The following DMRT1 variants were observed in gnomAD, a reference collection of about 807,000 sequenced individuals.
DMRT1 encodes doublesex and mab-3 related transcription factor 1.
Under a neutral mutation model 32.3 loss-of-function variants are expected in DMRT1, and 7 were observed. The ratio of observed to expected loss-of-function variants is 0.22; its 90% CI spans 0.12 to 0.41. DMRT1 has a LOEUF of 0.41. Among genes scored for constraint, DMRT1 ranks in the 10% least tolerant of loss-of-function variants. The pLI is 1.00. For synonymous variants in DMRT1, 278 were observed against 206.1 expected, an observed-to-expected ratio of 1.35 and a Z score of -2.99; for missense variants, 625 against 500.5, an observed-to-expected ratio of 1.25 and a Z score of -2.37.
rs544263968 is a variant in DMRT1 at position 889,002 on chromosome 9, A to T, written c.539-4910A>T. Among the ~76,000 whole-genome samples, 17 of 152,042 alleles carry T rather than the reference A, an allele frequency of 1.1e-4. No individual in the cohort carries two copies. In the South Asian group the frequency reaches 1.5e-3, roughly 13 times the overall value. On this transcript the variant is annotated intron_variant, in intron 2 of 4. Transcript: ENST00000382276. The stretch of plus-strand genomic sequence containing the variant: ...AAAGAATTTCTGGAGAGCTTAGTAA[A>T]ATTCAGATTGCTGGGCGCCATTCTC...
intron 2 of DMRT1, among the ~76,000 whole-genome samples, chr9:848,277 C>A (rs1935208788): frequency 6.6e-6 from 1 of 151,908 alleles, no homozygotes; most frequent in South Asian, 2.1e-4. Context: ...GCCTTTTTTT[C>A]CTCTTGTCAA....
intron 2 of DMRT1, among the ~76,000 whole-genome samples, chr9:854,956 A>G (rs1815331321): frequency 6.7e-6 from 1 of 150,110 alleles, no homozygotes; most frequent in Non-Finnish European, 1.5e-5. Flanking sequence ...TTTAGTAGAG[A>G]CGGGGTTTCA....
At position 968,582 on chromosome 9, in the gene DMRT1, G is replaced by A. The variant is rs3739582; in HGVS notation, c.*443G>A. 5 of 165,472 alleles carry A rather than the reference G, an allele frequency of 3.0e-5. No individual in the cohort carries two copies. In the East Asian group the frequency reaches 8.7e-4, roughly 29 times the overall value. 10.3% of individuals were successfully genotyped at this position (165,472 alleles called of 1,614,324 possible). A position where few individuals can be genotyped will look rare whatever the true frequency, so the allele number is the denominator to read the frequency against. On this transcript the variant is annotated 3_prime_UTR_variant, in exon 5 of 5. Transcript: ENST00000382276. ...ATAAATTTAGCCAAGTTACCTGACG[G>A]GTGAGAAGAAAAGAGCAGGCAAAAT...
chr9:935,313 AG>A (rs1410222662), intron 4 of DMRT1, among the ~76,000 whole-genome samples: 2 of 152,198 alleles, frequency 1.3e-5, no homozygotes, highest in African/African-American at 4.8e-5. Flanking sequence ...TTGGCAAACG[AG>A]GGGGGCAGAT....
At chr9:876,579 G>C (rs886437870) in intron 2 of DMRT1, among the ~76,000 whole-genome samples, 2 of 150,670 alleles carry the variant, frequency 1.3e-5, no homozygotes, top group Non-Finnish European at 2.9e-5. Flanking sequence ...CATCCAGTCT[G>C]GAGTGCAGTG....
At chr9:922,187 A>T (rs1018779269) in intron 4 of DMRT1, among the ~76,000 whole-genome samples, 1 of 152,102 alleles carries the variant, frequency 6.6e-6, no homozygotes, top group Non-Finnish European at 1.5e-5. Flanking sequence ...CCAAGAAAAA[A>T]GTCTGGGGGG....
intron 4 of DMRT1, among the ~76,000 whole-genome samples, chr9:958,523 C>T (rs748804448): frequency 4.1e-4 from 63 of 152,226 alleles, no homozygotes; most frequent in Non-Finnish European, 6.9e-4. Context: ...CACACCACCA[C>T]ACCCAGCTGA....
chr9:865,252 C>T (rs1206968473), intron 2 of DMRT1, among the ~76,000 whole-genome samples: 2 of 152,164 alleles, frequency 1.3e-5, no homozygotes, highest in Non-Finnish European at 2.9e-5. Flanking sequence ...AAAGGACTCT[C>T]AGTGAAAGAA....
At chr9:967,173 G>C (rs1437067846) in intron 4 of DMRT1, among the ~76,000 whole-genome samples, 3 of 152,126 alleles carry the variant, frequency 2.0e-5, no homozygotes, top group Non-Finnish European at 4.4e-5. Context: ...GGGAGTTCTG[G>C]GGGTGGATCT....
intron 2 of DMRT1, among the ~76,000 whole-genome samples, chr9:872,793 G>A (rs1034873329): frequency 6.6e-6 from 1 of 152,152 alleles, no homozygotes; most frequent in Non-Finnish European, 1.5e-5. Context: ...TTACTTCAAA[G>A]CGGACTTGGT....
intron 2 of DMRT1, among the ~76,000 whole-genome samples, chr9:874,965 G>A (rs760551981): frequency 1.3e-5 from 2 of 151,550 alleles, no homozygotes; most frequent in Admixed American, 6.6e-5. Flanking sequence ...CCGCCACCAC[G>A]CCCGGCAAAT....
chr9:860,065 G>A (rs1203321875), intron 2 of DMRT1, among the ~76,000 whole-genome samples: 4 of 152,180 alleles, frequency 2.6e-5, no homozygotes, highest in Non-Finnish European at 5.9e-5. Flanking sequence ...GGGAGGCCGA[G>A]GTGGGTGGAT....
rs1424820888 is a variant in DMRT1 at position 861,991 on chromosome 9, G to C, written c.538+14848G>C. Among the ~76,000 whole-genome samples the C allele has an allele frequency of 1.4e-3, 213 of 151,486 alleles. 3 individuals are homozygous for C. Among genetic ancestry groups the C allele is most frequent in the African/African-American group, 5.0e-3 (207 of 41,346 alleles). ...TCACTTCCTAGACGGGATGACGGCC[G>C]GGAAGAGGTGCTCCTCACTTCCCAG... On this transcript the variant is annotated intron_variant, in intron 2 of 4. Coordinates refer to ENST00000382276, the MANE Select transcript of DMRT1 (RefSeq NM_021951.3).
chr9:932,093 T>C (rs1398945453), intron 4 of DMRT1, among the ~76,000 whole-genome samples: 1 of 152,176 alleles, frequency 6.6e-6, no homozygotes, highest in African/African-American at 2.4e-5. Flanking sequence ...GAGAACGCAG[T>C]GGTCACTCAC....
At chr9:879,937 T>C (rs1270578537) in intron 2 of DMRT1, among the ~76,000 whole-genome samples, 1 of 152,212 alleles carries the variant, frequency 6.6e-6, no homozygotes, top group Admixed American at 6.5e-5. Flanking sequence ...ATACTACTGC[T>C]GATCTTGTTA....
intron 4 of DMRT1, among the ~76,000 whole-genome samples, chr9:938,638 G>GT (rs1482842446): frequency 3.9e-5 from 6 of 152,172 alleles, no homozygotes; most frequent in Non-Finnish European, 7.4e-5. Context: ...AGCTCTATCA[G>GT]TTTTTTTGTG....
intron 2 of DMRT1, among the ~76,000 whole-genome samples, chr9:889,777 C>A (rs1040558529): frequency 2.7e-4 from 41 of 152,164 alleles, no homozygotes; most frequent in African/African-American, 9.9e-4. Flanking sequence ...ATTTTGTTTT[C>A]TTTTTTAAGA....
intron 4 of DMRT1, 53 bp from the exon 5 acceptor site, chr9:967,932 T>C: frequency 2.8e-6 from 4 of 1,447,038 alleles, no homozygotes; most frequent in Non-Finnish European, 3.8e-6. Flanking sequence ...CAGCCACTTT[T>C]AACATTACTC....
chr9:959,269 C>T (rs1161287613), intron 4 of DMRT1, among the ~76,000 whole-genome samples: 1 of 152,222 alleles, frequency 6.6e-6, no homozygotes, highest in Admixed American at 6.5e-5. Flanking sequence ...CCAGTCATGG[C>T]ACCTATATGT....
Sources: allele counts gnomAD v4.1 joint callset (sites outside exome capture counted in the v4.1 genomes callset), GRCh38; gene constraint gnomAD v4.1.1; transcripts MANE v1.5; gene names NCBI Gene and HGNC (gene_info 2026-07-23, HGNC 2026-07-21).